Variants in HPD observed in about 807,000 individuals in gnomAD.
HPD encodes 4-hydroxyphenylpyruvic acid oxidase.
HPD carries 35 observed loss-of-function variants against 56.9 expected under a neutral mutation model. That is an observed-to-expected ratio of 0.62 (90% confidence interval 0.47 to 0.82). The LOEUF (loss-of-function observed/expected upper bound fraction) is 0.82. Among genes scored for constraint, HPD ranks in the 40% least tolerant of loss-of-function variants. HPD has a pLI of 0.00. For missense variants in HPD, 442 were observed against 506.8 expected (o/e 0.87, Z 1.23); for synonymous variants, 186 against 200.2 (o/e 0.93, Z 0.60).
chr12:121,869,090 A>G, the HPD span, among the ~76,000 whole-genome samples: 100 of 152,112 alleles, frequency 6.6e-4, no homozygotes, highest in African/African-American at 2.3e-3. Context: ...GTGGTGGCTC[A>G]TGCCTGTAAT....
chr12:121,863,869 C>T (rs548711406), upstream of HPD, among the ~76,000 whole-genome samples: 1 of 152,066 alleles, frequency 6.6e-6, no homozygotes, highest in East Asian at 1.9e-4. Context: ...GCCCCTTCCA[C>T]TTCCTGAACC....
Position 121,856,681 on chromosome 12 carries a change from G to A in HPD, c.199-56C>T, listed in dbSNP as rs143830159. 5.8e-4 allele frequency: 904 copies of A among 1,547,130 alleles called. 7 individuals carry two copies. The East Asian group carries it at 0.011, about 20-fold the overall frequency. On this transcript the variant is annotated intron_variant, in intron 4 of 13. Transcript: ENST00000289004. ...GTGGCTCAGGGGGGCATGGGGAGGT[G>A]CACCCATCGGCCCCTCCCTGCCGAC...
upstream of HPD, among the ~76,000 whole-genome samples, chr12:121,865,192 T>C (rs1592927405): frequency 6.6e-6 from 1 of 151,932 alleles, no homozygotes; most frequent in African/African-American, 2.4e-5. Context: ...CGCTTGAACC[T>C]GGGAGTCGGA....
chr12:121,874,627 C>T, the HPD span, among the ~76,000 whole-genome samples: 1 of 152,130 alleles, frequency 6.6e-6, no homozygotes, highest in South Asian at 2.1e-4. Flanking sequence ...TCAAAACAAA[C>T]AAACAAGCAA....
intron 11 of HPD, among the ~76,000 whole-genome samples, chr12:121,844,214 T>G (rs1359122411): frequency 6.6e-6 from 1 of 151,988 alleles, no homozygotes; most frequent in South Asian, 2.1e-4. Context: ...CACACTCAGC[T>G]ATGTATTTTT....
chr12:121,870,418 G>T, the HPD span, among the ~76,000 whole-genome samples: 1 of 150,920 alleles, frequency 6.6e-6, no homozygotes, highest in Non-Finnish European at 1.5e-5. Flanking sequence ...TGAGGCGGGA[G>T]AACCACTTGA....
upstream of HPD, among the ~76,000 whole-genome samples, chr12:121,868,218 G>A (rs1010613527): frequency 1.3e-5 from 2 of 152,186 alleles, no homozygotes; most frequent in African/African-American, 4.8e-5. Flanking sequence ...ACACTGCTTA[G>A]TTGCTTTCTG....
intron 12 of HPD, among the ~76,000 whole-genome samples, chr12:121,840,824 G>A (rs1877382985): frequency 6.6e-6 from 1 of 151,370 alleles, no homozygotes; most frequent in South Asian, 2.1e-4. Flanking sequence ...TTGGGAGGCC[G>A]AGGCAGGTGG....
chr12:121,864,158 A>C (rs1301117725), upstream of HPD, among the ~76,000 whole-genome samples: 1 of 151,948 alleles, frequency 6.6e-6, no homozygotes, highest in Non-Finnish European at 1.5e-5. Flanking sequence ...AGGCAGGAGA[A>C]TCACTTGAAC....
intron 12 of HPD, among the ~76,000 whole-genome samples, chr12:121,841,242 G>A (rs1295241398): frequency 1.3e-5 from 2 of 151,444 alleles, no homozygotes; most frequent in South Asian, 2.1e-4. Context: ...GGTGGCGGGC[G>A]CCTATAATCC....
At chr12:121,841,780 G>C (rs1486159385) in intron 12 of HPD, among the ~76,000 whole-genome samples, 1 of 151,854 alleles carries the variant, frequency 6.6e-6, no homozygotes, top group Non-Finnish European at 1.5e-5. Flanking sequence ...CCTTCCCTGG[G>C]TTCAAGCAAT....
At chr12:121,862,540 G>A (rs1371172161), upstream of HPD, among the ~76,000 whole-genome samples, 1 of 145,270 alleles carries the variant, frequency 6.9e-6, no homozygotes, top group African/African-American at 2.6e-5. Flanking sequence ...CAGGTGATCT[G>A]CCCACCTCGG....
the HPD span, among the ~76,000 whole-genome samples, chr12:121,880,054 G>A: frequency 6.6e-6 from 1 of 151,878 alleles, no homozygotes; most frequent in Non-Finnish European, 1.5e-5. Context: ...GGCTGAGGTG[G>A]GGGGATTGCT....
chr12:121,887,215 A>AT, the HPD span, among the ~76,000 whole-genome samples: 113 of 129,372 alleles, frequency 8.7e-4, no homozygotes, highest in African/African-American at 2.6e-3. Flanking sequence ...CTAATTAATT[A>AT]TTATTTTTTT....
Position 121,855,358 on chromosome 12 carries a change from C to T in HPD, c.325-566G>A, listed in dbSNP as rs370347101. On this transcript the variant is annotated intron_variant, in intron 6 of 13. Coordinates refer to ENST00000289004, the MANE Select transcript of HPD (RefSeq NM_002150.3). ...AGACCTGGAGAGCCTGGCTCTGGAA[C>T]GCACACTCTGAATCTGTAGGCTGCC... is the stretch of plus-strand genomic sequence containing the variant. Among the ~76,000 whole-genome samples the T allele has an allele frequency of 1.8e-3, 279 of 152,292 alleles. 1 individual carries two copies. Among genetic ancestry groups the T allele is most frequent in the African/African-American group, 6.4e-3 (267 of 41,562 alleles).
rs1877347052 is a variant in HPD, at chr12:121,839,842, T to C, written c.1072-4A>G. 2.5e-6 allele frequency: 4 copies of C among 1,613,738 alleles called. No homozygotes were observed. Among genetic ancestry groups the C allele is most frequent in the Non-Finnish European group, 2.5e-6 (3 of 1,179,762 alleles). ...TGAAGTTGCCGGCTCCAAAACCCTG[T>C]GGCGGGAAAGAGAGGAGATGAGCCA... On this transcript the variant is annotated splice_region_variant and splice_polypyrimidine_tract_variant and intron_variant, in intron 13 of 13. Coordinates refer to ENST00000289004, the MANE Select transcript of HPD (RefSeq NM_002150.3).
chr12:121,885,464 T>G, the HPD span, among the ~76,000 whole-genome samples: 1 of 151,338 alleles, frequency 6.6e-6, no homozygotes, highest in South Asian at 2.1e-4. Flanking sequence ...TGTCCCAAAG[T>G]GCTGGGATTA....
At chr12:121,881,282 C>T in the HPD span, among the ~76,000 whole-genome samples, 6 of 152,140 alleles carry the variant, frequency 3.9e-5, no homozygotes, top group East Asian at 1.2e-3. Flanking sequence ...TAATTATTGG[C>T]AACTGTGGTG....
chr12:121,854,933 TTCAGCCATTACCC>T, intron 6 of HPD, 141 bp from the exon 7 acceptor site: 1 of 710,256 alleles, frequency 1.4e-6, no homozygotes, highest in Non-Finnish European at 2.6e-6. Context: ...CCCAGCCAGC[TTCAGCCATTACCC>T]CCAATACTCA....
Sources: gnomAD v4.1 joint callset for allele counts (sites outside exome capture counted in the v4.1 genomes callset) on GRCh38, gnomAD v4.1.1 for gene constraint, MANE v1.5 for transcripts, NCBI Gene and HGNC (gene_info 2026-07-23, HGNC 2026-07-21) for gene names.